PLXDC2: variants seen among roughly 807,000 people sequenced by gnomAD.
The protein encoded by PLXDC2 is plexin domain-containing protein 2.
Under a neutral mutation model 68.9 loss-of-function variants are expected in PLXDC2, and 40 were observed. The observed-to-expected ratio is 0.58, with a 90% CI of 0.45 to 0.76. The LOEUF (loss-of-function observed/expected upper bound fraction) is 0.76, where lower values mean the gene tolerates loss of function less well. PLXDC2 is among the 30% of genes least tolerant of loss of function. The probability of loss-of-function intolerance (pLI) is 0.00; values close to 1 mark genes in which losing one functional copy is unlikely to be tolerated. For missense variants in PLXDC2, 644 were observed against 661.9 expected, an observed-to-expected ratio of 0.97 and a Z score of 0.30; for synonymous variants, 243 against 234.2, an observed-to-expected ratio of 1.04 and a Z score of -0.34.
intron 1 of PLXDC2, among the ~76,000 whole-genome samples, chr10:19,824,036 G>A (rs1836528156): frequency 6.6e-6 from 1 of 152,116 alleles, no homozygotes; most frequent in Non-Finnish European, 1.5e-5. Context: ...AAATCTTGCT[G>A]TGGGAGCTGT....
chr10:19,911,430 A>C (rs1251837269), intron 1 of PLXDC2, among the ~76,000 whole-genome samples: 2 of 152,164 alleles, frequency 1.3e-5, no homozygotes, highest in African/African-American at 2.4e-5. Context: ...TGTCTCATTC[A>C]AGTTCTCTAA....
intron 1 of PLXDC2, among the ~76,000 whole-genome samples, chr10:19,845,563 T>A (rs1012938881): frequency 6.6e-6 from 1 of 152,022 alleles, no homozygotes; most frequent in Non-Finnish European, 1.5e-5. Flanking sequence ...CCCATGAGAG[T>A]TCTTAGCTTT....
intron 1 of PLXDC2, among the ~76,000 whole-genome samples, chr10:19,921,059 C>T (rs1833454045): frequency 6.6e-6 from 1 of 151,730 alleles, no homozygotes; most frequent in Non-Finnish European, 1.5e-5. Context: ...TCCCAAGCAG[C>T]TAGGACTATA....
Position 20,118,125 on chromosome 10 carries a change from CACACA to C in PLXDC2, c.542-25169_542-25165del, listed in dbSNP as rs761002582. On this transcript the variant is annotated intron_variant, in intron 4 of 13. Coordinates refer to ENST00000377252, the MANE Select transcript of PLXDC2 (RefSeq NM_032812.9). ...ATGCCTACACACACACACACACACA[CACACA>C]CACACACAGACACACACACACCCTT... 1.4e-4 allele frequency among the ~76,000 whole-genome samples: 22 copies of C among 152,000 alleles called. No homozygotes were observed. The South Asian group carries it at 2.3e-3, about 16-fold the overall frequency.
intron 4 of PLXDC2, among the ~76,000 whole-genome samples, chr10:20,133,316 T>C (rs1833891148): frequency 6.6e-6 from 1 of 152,182 alleles, no homozygotes; most frequent in African/African-American, 2.4e-5. Context: ...CTTTCATATA[T>C]TTTCGCGTTG....
At chr10:20,192,025 A>G (rs1043162143) in intron 9 of PLXDC2, among the ~76,000 whole-genome samples, 1 of 152,044 alleles carries the variant, frequency 6.6e-6, no homozygotes, top group Non-Finnish European at 1.5e-5. Flanking sequence ...AAACCTTACA[A>G]TTGCATGAAG....
At chr10:20,154,669 C>A (rs1409918798) in intron 6 of PLXDC2, among the ~76,000 whole-genome samples, 3 of 151,940 alleles carry the variant, frequency 2.0e-5, no homozygotes, top group South Asian at 4.2e-4. Context: ...GTAGAAGTTG[C>A]AGTTTCTTTG....
intron 10 of PLXDC2, among the ~76,000 whole-genome samples, chr10:20,215,987 A>C (rs1235557884): frequency 6.6e-6 from 1 of 152,102 alleles, no homozygotes; most frequent in Non-Finnish European, 1.5e-5. Flanking sequence ...CTAAGGATGC[A>C]GGAGATGTTT....
intron 1 of PLXDC2, among the ~76,000 whole-genome samples, chr10:19,939,819 C>T (rs935413442): frequency 6.7e-6 from 1 of 149,644 alleles, no homozygotes; most frequent in East Asian, 1.9e-4. Context: ...TGTTGGATGA[C>T]ATGTGACAAA....
intron 12 of PLXDC2, among the ~76,000 whole-genome samples, chr10:20,234,805 T>A (rs757584652): frequency 1.3e-5 from 2 of 152,106 alleles, no homozygotes; most frequent in Non-Finnish European, 2.9e-5. Context: ...AAAGATTGTA[T>A]GGTTGTTGAG....
chr10:20,266,796 C>T (rs1018308268), intron 13 of PLXDC2, among the ~76,000 whole-genome samples: 2 of 152,078 alleles, frequency 1.3e-5, no homozygotes, highest in Non-Finnish European at 2.9e-5. Flanking sequence ...ACAATATAGG[C>T]GCTCCAGAGA....
rs1422026395 is a variant in PLXDC2, at chr10:20,068,147, T to G, written c.472-23T>G. ...ACTATGCTACACATTATTGATTTTT[T>G]TCTCTGGTGTTGTTCTTTGCAGAGA... On this transcript the variant is annotated intron_variant, in intron 3 of 13. Transcript: ENST00000377252. 2.5e-6 allele frequency: 4 copies of G among 1,592,836 alleles called. No individual in the cohort carries two copies. In the African/African-American group the frequency reaches 4.0e-5, roughly 16 times the overall value.
intron 1 of PLXDC2, among the ~76,000 whole-genome samples, chr10:19,974,876 C>T (rs1048735677): frequency 6.6e-6 from 1 of 152,130 alleles, no homozygotes; most frequent in South Asian, 2.1e-4. Context: ...GGTCTTGATT[C>T]TCAAAGGCAG....
chr10:20,054,716 G>A (rs1378922836), intron 3 of PLXDC2, among the ~76,000 whole-genome samples: 1 of 152,006 alleles, frequency 6.6e-6, no homozygotes, highest in Non-Finnish European at 1.5e-5. Context: ...GGTGGGGTGA[G>A]GGGGGAGGGA....
intron 4 of PLXDC2, among the ~76,000 whole-genome samples, chr10:20,118,966 C>T (rs1273287346): frequency 3.4e-5 from 5 of 148,748 alleles, no homozygotes; most frequent in Admixed American, 6.7e-5. Flanking sequence ...ACACTGTATA[C>T]CTTTTCCAGT....
intron 3 of PLXDC2, among the ~76,000 whole-genome samples, chr10:20,048,854 G>A (rs544554833): frequency 1.8e-4 from 27 of 152,164 alleles, no homozygotes; most frequent in Non-Finnish European, 1.6e-4. Context: ...CTCTGATTGT[G>A]TCATGAAAAA....
chr10:19,832,955 C>T (rs1365905098), intron 1 of PLXDC2, among the ~76,000 whole-genome samples: 2 of 152,162 alleles, frequency 1.3e-5, no homozygotes, highest in Non-Finnish European at 2.9e-5. Flanking sequence ...AACTCTCGAA[C>T]CTCCATTTCT....
intron 12 of PLXDC2, among the ~76,000 whole-genome samples, chr10:20,231,165 G>A (rs1453625108): frequency 6.6e-6 from 1 of 151,178 alleles, no homozygotes; most frequent in Admixed American, 6.6e-5. Context: ...TGTCAATTAT[G>A]CTTAATGAAG....
chr10:20,019,154 A>G (rs1202929963), intron 2 of PLXDC2, among the ~76,000 whole-genome samples: 2 of 123,634 alleles, frequency 1.6e-5, no homozygotes, highest in African/African-American at 2.8e-5. Context: ...GCTCAACCAA[A>G]TAAAAAAGAA....
Sources: allele counts gnomAD v4.1 joint callset (sites outside exome capture counted in the v4.1 genomes callset), GRCh38; gene constraint gnomAD v4.1.1; transcripts MANE v1.5; gene names NCBI Gene and HGNC (gene_info 2026-07-23, HGNC 2026-07-21).